Variants in ATOSA observed in about 807,000 individuals in gnomAD.
The protein encoded by ATOSA is atos homolog A, also known as atos homolog protein A.
At chr15:52,651,168 A>G in the ATOSA span, among the ~76,000 whole-genome samples, 2 of 152,214 alleles carry the variant, frequency 1.3e-5, no homozygotes, top group African/African-American at 2.4e-5. Context: ...ATTTTAAAAT[A>G]CTAGTTTAAC....
chr15:52,605,324 G>T, the ATOSA span: 1 of 1,022,478 alleles, frequency 9.8e-7, no homozygotes, highest in South Asian at 1.5e-5. Context: ...TTTGTTTTTA[G>T]ACTCATTCCT....
the ATOSA span, among the ~76,000 whole-genome samples, chr15:52,675,765 G>A: frequency 6.6e-6 from 1 of 152,144 alleles, no homozygotes; most frequent in African/African-American, 2.4e-5. Context: ...AAAATTAGCC[G>A]GGCGTGGAGG....
chr15:52,599,248 G>C, the ATOSA span, among the ~76,000 whole-genome samples: 4 of 152,144 alleles, frequency 2.6e-5, no homozygotes, highest in Non-Finnish European at 4.4e-5. Flanking sequence ...GTAGTACAAA[G>C]GTTGCTGAGC....
the ATOSA span, chr15:52,586,240 CTATA>C: frequency 6.6e-6 from 1 of 151,952 alleles, no homozygotes; most frequent in Non-Finnish European, 1.5e-5. Flanking sequence ...ATAAATATTA[CTATA>C]TATGTGTGTA....
At chr15:52,612,477 C>T in the ATOSA span, among the ~76,000 whole-genome samples, 20 of 149,014 alleles carry the variant, frequency 1.3e-4, no homozygotes, top group East Asian at 3.8e-3. Context: ...AACTCATTTT[C>T]ATTAAACGCT....
the ATOSA span, chr15:52,593,506 C>T: frequency 7.2e-7 from 1 of 1,381,490 alleles, no homozygotes. Context: ...TCAAGTACTG[C>T]ATCAAAGCAC....
At chr15:52,609,280 G>C in the ATOSA span, 1 of 1,613,880 alleles carries the variant, frequency 6.2e-7, no homozygotes, top group Non-Finnish European at 8.5e-7. Context: ...GGAACATTTT[G>C]TGTGAGAAAT....
At chr15:52,645,165 G>A in the ATOSA span, among the ~76,000 whole-genome samples, 14 of 152,330 alleles carry the variant, frequency 9.2e-5, no homozygotes, top group Admixed American at 3.3e-4. Flanking sequence ...GAGGTCAGGC[G>A]CAGTGGCTCA....
At chr15:52,591,507 C>T in the ATOSA span, among the ~76,000 whole-genome samples, 2 of 152,158 alleles carry the variant, frequency 1.3e-5, no homozygotes, top group Admixed American at 6.5e-5. Flanking sequence ...GCCCCAGCCT[C>T]CCAAAGTGCT....
At chr15:52,617,822 A>C in the ATOSA span, among the ~76,000 whole-genome samples, 4 of 149,544 alleles carry the variant, frequency 2.7e-5, no homozygotes, top group African/African-American at 9.8e-5. Flanking sequence ...TTTATATATA[A>C]TAATAAAAGA....
chr15:52,690,628 G>T, the ATOSA span, among the ~76,000 whole-genome samples: 1 of 152,334 alleles, frequency 6.6e-6, no homozygotes, highest in Non-Finnish European at 1.5e-5. Flanking sequence ...AGAGCCAGAA[G>T]TATAGTACTG....
chr15:52,611,288 G>C, the ATOSA span: 7 of 1,604,680 alleles, frequency 4.4e-6, no homozygotes, highest in African/African-American at 9.4e-5. Flanking sequence ...TTTAAATGTA[G>C]GCAAGTACAA....
chr15:52,625,341 C>T, the ATOSA span, among the ~76,000 whole-genome samples: 9 of 152,056 alleles, frequency 5.9e-5, no homozygotes, highest in East Asian at 9.7e-4. Flanking sequence ...AGAGTGACCA[C>T]GGCTATAAGT....
chr15:52,678,177 C>A, the ATOSA span: 3 of 865,160 alleles, frequency 3.5e-6, no homozygotes, highest in South Asian at 1.4e-5. Flanking sequence ...CCGGACCTTG[C>A]AAGTAAACTA....
At chr15:52,664,556 T>C in the ATOSA span, among the ~76,000 whole-genome samples, 1 of 152,236 alleles carries the variant, frequency 6.6e-6, no homozygotes, top group African/African-American at 2.4e-5. Context: ...AGTAATAATG[T>C]TGATGTCTGA....
chr15:52,670,561 C>A, the ATOSA span, among the ~76,000 whole-genome samples: 2 of 152,080 alleles, frequency 1.3e-5, no homozygotes, highest in Non-Finnish European at 2.9e-5. Context: ...AAAATATGAC[C>A]ATCATTTCAA....
At chr15:52,684,641 GCCAAA>G in the ATOSA span, among the ~76,000 whole-genome samples, 1 of 152,278 alleles carries the variant, frequency 6.6e-6, no homozygotes, top group South Asian at 2.1e-4. Context: ...CTTGATCTTA[GCCAAA>G]AGGCCAAGAA....
At chr15:52,588,178 C>T in the ATOSA span, among the ~76,000 whole-genome samples, 16 of 152,118 alleles carry the variant, frequency 1.1e-4, no homozygotes, top group African/African-American at 3.6e-4. Flanking sequence ...TCTTCCCAGA[C>T]CTTACAAAGT....
the ATOSA span, among the ~76,000 whole-genome samples, chr15:52,669,063 G>C: frequency 2.0e-5 from 3 of 151,790 alleles, no homozygotes; most frequent in Non-Finnish European, 4.4e-5. Flanking sequence ...GATTACAGGC[G>C]CCTGCCACCA....
Sources: gnomAD v4.1 joint callset for allele counts (sites outside exome capture counted in the v4.1 genomes callset) on GRCh38, gnomAD v4.1.1 for gene constraint, MANE v1.5 for transcripts, NCBI Gene and HGNC (gene_info 2026-07-23, HGNC 2026-07-21) for gene names.